PHLPP1: variants seen among roughly 807,000 people sequenced by gnomAD.
PHLPP1 encodes the protein PH domain and leucine rich repeat protein phosphatase 1, also known as PH domain leucine-rich repeat-containing protein phosphatase 1.
In PHLPP1, 42 loss-of-function variants were observed where a neutral mutation model predicts 117.2. The ratio of observed to expected loss-of-function variants is 0.36; its 90% CI spans 0.28 to 0.46. PHLPP1 has a LOEUF of 0.46. Among genes scored for constraint, PHLPP1 ranks in the 20% least tolerant of loss-of-function variants. PHLPP1 has a pLI of 1.00. For synonymous variants in PHLPP1, 1,042 were observed against 970.7 expected, an observed-to-expected ratio of 1.07 and a Z score of -1.37; for missense variants, 2,084 against 2,241.9, an observed-to-expected ratio of 0.93 and a Z score of 1.42.
At chr18:62,782,141 A>G (rs1362848167) in intron 1 of PHLPP1, among the ~76,000 whole-genome samples, 2 of 152,220 alleles carry the variant, frequency 1.3e-5, no homozygotes, top group Admixed American at 1.3e-4. Context: ...TTACATATTT[A>G]CGCAAACACT....
intron 13 of PHLPP1, among the ~76,000 whole-genome samples, chr18:62,960,345 GA>G (rs1165951069): frequency 1.3e-5 from 2 of 152,086 alleles, no homozygotes; most frequent in Non-Finnish European, 2.9e-5. Flanking sequence ...TAAGTCACAA[GA>G]AAAGAAATCA....
chr18:62,923,540 T>A (rs1909538311), intron 10 of PHLPP1, among the ~76,000 whole-genome samples: 1 of 152,186 alleles, frequency 6.6e-6, no homozygotes, highest in Non-Finnish European at 1.5e-5. Flanking sequence ...GCTGTTTTTT[T>A]AAACCTATTT....
At chr18:62,768,139 T>G (rs1323041527) in intron 1 of PHLPP1, among the ~76,000 whole-genome samples, 3 of 152,182 alleles carry the variant, frequency 2.0e-5, no homozygotes, top group African/African-American at 7.2e-5. Context: ...TTAGAAACTA[T>G]CCAGAGAAGT....
At chr18:62,819,201 A>T (rs1426012035) in intron 1 of PHLPP1, among the ~76,000 whole-genome samples, 1 of 152,228 alleles carries the variant, frequency 6.6e-6, no homozygotes, top group African/African-American at 2.4e-5. Flanking sequence ...GCAGTGTATT[A>T]TTCTAAGGTT....
intron 4 of PHLPP1, among the ~76,000 whole-genome samples, chr18:62,885,024 G>C (rs1204864735): frequency 6.6e-6 from 1 of 152,150 alleles, no homozygotes; most frequent in South Asian, 2.1e-4. Flanking sequence ...TCCTAAATAT[G>C]TACAAGCATA....
intron 8 of PHLPP1, among the ~76,000 whole-genome samples, chr18:62,913,213 A>C (rs1414333944): frequency 6.6e-6 from 1 of 152,128 alleles, no homozygotes; most frequent in African/African-American, 2.4e-5. Context: ...TCACTTACAG[A>C]AGTTTTAATT....
At chr18:62,757,253 T>G (rs939876460) in intron 1 of PHLPP1, among the ~76,000 whole-genome samples, 3 of 152,224 alleles carry the variant, frequency 2.0e-5, no homozygotes, top group Admixed American at 2.0e-4. Flanking sequence ...AGCAAACCAG[T>G]AATGGGCCGA....
chr18:62,783,809 C>T (rs1214134649), intron 1 of PHLPP1, among the ~76,000 whole-genome samples: 1 of 151,928 alleles, frequency 6.6e-6, no homozygotes, highest in East Asian at 1.9e-4. Context: ...ACTGTAGGCA[C>T]AACAGTCCAC....
chr18:62,772,791 A>G (rs1254602939), intron 1 of PHLPP1, among the ~76,000 whole-genome samples: 1 of 144,542 alleles, frequency 6.9e-6, no homozygotes, highest in Non-Finnish European at 1.5e-5. Context: ...AGATTGTGCC[A>G]CTGCACTCCA....
chr18:62,745,408 A>C (rs1268205463), intron 1 of PHLPP1, among the ~76,000 whole-genome samples: 3 of 152,250 alleles, frequency 2.0e-5, no homozygotes, highest in Non-Finnish European at 4.4e-5. Flanking sequence ...AACAATCAAT[A>C]AACTAACATT....
At chr18:62,772,338 TTTTC>T (rs1324027737) in intron 1 of PHLPP1, among the ~76,000 whole-genome samples, 3 of 152,100 alleles carry the variant, frequency 2.0e-5, no homozygotes, top group Admixed American at 6.5e-5. Context: ...TTCTGTTCTG[TTTTC>T]TTTATTTTTT....
At chr18:62,776,878 G>A (rs1475874253) in intron 1 of PHLPP1, among the ~76,000 whole-genome samples, 2 of 152,184 alleles carry the variant, frequency 1.3e-5, no homozygotes, top group Non-Finnish European at 2.9e-5. Context: ...AAAGTGTTGG[G>A]ATTACAGGCG....
chr18:62,832,275 A>G (rs574870815), intron 2 of PHLPP1: 2 of 152,360 alleles, frequency 1.3e-5, no homozygotes, highest in South Asian at 4.1e-4. Context: ...TGTAAGAAAG[A>G]TGCAGGAAGG....
chr18:62,972,816 G>C, intron 15 of PHLPP1, 108 bp downstream of exon 15: 1 of 817,004 alleles, frequency 1.2e-6, no homozygotes, highest in Non-Finnish European at 1.9e-6. Context: ...CATGTTTTTT[G>C]ACTATGAGTA....
At chr18:62,890,773 C>CT (rs1818703344) in intron 4 of PHLPP1, among the ~76,000 whole-genome samples, 1 of 152,196 alleles carries the variant, frequency 6.6e-6, no homozygotes, top group South Asian at 2.1e-4. Context: ...TGCAGCCTTT[C>CT]TGTTCCCCAC....
At chr18:62,863,411 C>T (rs758908214) in intron 4 of PHLPP1, among the ~76,000 whole-genome samples, 4 of 152,122 alleles carry the variant, frequency 2.6e-5, no homozygotes, top group Non-Finnish European at 4.4e-5. Context: ...ACCATGTTGC[C>T]AGGCTGGTCT....
chr18:62,914,941 G>T lies in PHLPP1; in HGVS notation c.2737G>T (p.Val913Leu). 6.2e-7 allele frequency: 1 copy of T among 1,613,678 alleles called. No homozygotes were observed. The change falls in exon 9 of 17, where the codon GTA becomes TTA. Residue 913 changes from valine (V) to leucine (L), a missense_variant. By Grantham distance (32) the Val-to-Leu change is conservative. Transcript: ENST00000262719. ...CCGCTTAGAAAATGTGCCTGAGTGGGTATGTGAAAGCCGAAAGCTAGAAGT... is the reference window on the plus strand; with the variant it reads ...CCGCTTAGAAAATGTGCCTGAGTGGTTATGTGAAAGCCGAAAGCTAGAAGT... ...RNRLENVPEW[V>L]CESRKLEVLD...
At chr18:62,965,452 CTTTTTTTTTTTTT>C (rs34187461) in intron 14 of PHLPP1, among the ~76,000 whole-genome samples, 1 of 76,144 alleles carries the variant, frequency 1.3e-5, no homozygotes, top group Non-Finnish European at 2.4e-5. Context: ...TAATCAGCCT[CTTTTTTTTTTTTT>C]TTTTTTTTTT....
chr18:62,733,479 C>A (rs1752122876), intron 1 of PHLPP1, among the ~76,000 whole-genome samples: 1 of 152,144 alleles, frequency 6.6e-6, no homozygotes, highest in African/African-American at 2.4e-5. Context: ...GTGATATTCG[C>A]CCTATAACAG....
Sources: gnomAD v4.1 joint callset for allele counts (sites outside exome capture counted in the v4.1 genomes callset) on GRCh38, gnomAD v4.1.1 for gene constraint, MANE v1.5 for transcripts, NCBI Gene and HGNC (gene_info 2026-07-23, HGNC 2026-07-21) for gene names.